The following RNF144A variants were observed in gnomAD, a reference collection of about 807,000 sequenced individuals.
RNF144A encodes the protein E3 ubiquitin-protein ligase RNF144A.
A neutral mutation model predicts 38.7 loss-of-function variants in RNF144A; 11 were observed. The ratio of observed to expected loss-of-function variants is 0.28; its 90% CI spans 0.18 to 0.47. The LOEUF (loss-of-function observed/expected upper bound fraction) is 0.47. Among genes scored for constraint, RNF144A ranks in the 20% least tolerant of loss-of-function variants. The probability of loss-of-function intolerance (pLI) is 0.99; values close to 1 mark genes in which losing one functional copy is unlikely to be tolerated. For synonymous variants in RNF144A, 149 were observed against 143.9 expected, an observed-to-expected ratio of 1.04 and a Z score of -0.25; for missense variants, 316 against 377.2, an observed-to-expected ratio of 0.84 and a Z score of 1.34.
At chr2:7,034,555 G>C (rs905588492) in intron 8 of RNF144A, among the ~76,000 whole-genome samples, 1 of 152,330 alleles carries the variant, frequency 6.6e-6, no homozygotes, top group Non-Finnish European at 1.5e-5. Flanking sequence ...GGCACTGAGC[G>C]TGCTCCCAAG....
chr2:7,044,627 G>A (rs141014544), downstream of RNF144A, among the ~76,000 whole-genome samples: 646 of 152,358 alleles, frequency 4.2e-3, 10 homozygotes, highest in African/African-American at 0.015. Context: ...GGGGTGGGGA[G>A]AAAGTGGAAT....
chr2:7,011,744 T>A (rs1049063541), intron 3 of RNF144A, among the ~76,000 whole-genome samples: 4 of 152,252 alleles, frequency 2.6e-5, no homozygotes, highest in Admixed American at 2.6e-4. Flanking sequence ...CAAGACATCT[T>A]TTTGCAATTA....
chr2:7,043,084 T>C lies in RNF144A; in HGVS notation c.*3324T>C, dbSNP rs918715732. 3 of 678,744 alleles carry C rather than the reference T, an allele frequency of 4.4e-6. No homozygotes were observed. Among genetic ancestry groups the C allele is most frequent in the African/African-American group, 2.0e-5 (1 of 51,114 alleles). 42.0% of individuals were successfully genotyped at this position (678,744 alleles called of 1,614,324 possible). ...GGTTTCACCATGTTGGCCAGGCTACTCTCAAACTCCTGACCTCAGGTGATC... is the reference window on the plus strand; with the variant it reads ...GGTTTCACCATGTTGGCCAGGCTACCCTCAAACTCCTGACCTCAGGTGATC... On this transcript the variant is annotated 3_prime_UTR_variant, in exon 9 of 9. Transcript: ENST00000320892.
chr2:7,031,903 C>T (rs1458483612), intron 8 of RNF144A, among the ~76,000 whole-genome samples: 1 of 152,242 alleles, frequency 6.6e-6, no homozygotes, highest in South Asian at 2.1e-4. Context: ...CAGTGAGTTA[C>T]CTTGGCCGTG....
chr2:7,048,662 G>C (rs1673403823), downstream of RNF144A, among the ~76,000 whole-genome samples: 1 of 152,194 alleles, frequency 6.6e-6, no homozygotes, highest in Non-Finnish European at 1.5e-5. Flanking sequence ...ACAGCATGGG[G>C]ACCTTTCTAA....
intron 3 of RNF144A, among the ~76,000 whole-genome samples, chr2:7,009,873 G>A (rs1308534530): frequency 1.3e-5 from 2 of 152,150 alleles, no homozygotes; most frequent in African/African-American, 4.8e-5. Context: ...CCTCCTGCTG[G>A]GGCTCAGAGG....
rs1275226145 is a variant in RNF144A at position 6,962,876 on chromosome 2, G to T, written c.-12+21729G>T. Among the ~76,000 whole-genome samples, 1 of 152,216 alleles carries T rather than the reference G, an allele frequency of 6.6e-6. No individual in the cohort carries two copies. Among genetic ancestry groups the T allele is most frequent in the Non-Finnish European group, 1.5e-5 (1 of 68,042 alleles). ...CATGGTTTATGCCATCATGATGCCA[G>T]TGTTGAATTTGTGGTGGTCTTTGAA... On this transcript the variant is annotated intron_variant, in intron 2 of 8. Transcript: ENST00000320892. This position sits in a 1 kb window ranked among gnomAD's most constrained non-coding sequence, Gnocchi z 4.1.
chr2:7,065,398 G>C (rs766071492), intron 6 of RNF144A, among the ~76,000 whole-genome samples: 16 of 152,210 alleles, frequency 1.1e-4, no homozygotes, highest in Non-Finnish European at 2.1e-4. Context: ...ATTTTAGAGA[G>C]GCAGGTTCCT....
intron 6 of RNF144A, among the ~76,000 whole-genome samples, chr2:7,062,365 T>G (rs309271): frequency 0.27 from 41,392 of 151,908 alleles, 6,772 homozygotes; most frequent in South Asian, 0.43. Flanking sequence ...ATCTCAAGAC[T>G]GGTACAGAGT....
intron 7 of RNF144A, among the ~76,000 whole-genome samples, chr2:7,026,505 T>TG (rs1365543971): frequency 1.3e-5 from 2 of 152,010 alleles, no homozygotes; most frequent in Non-Finnish European, 2.9e-5. Flanking sequence ...TTCCAGTTTT[T>TG]TTTTTTTTTG....
chr2:6,948,407 A>G (rs1489174638), intron 2 of RNF144A, among the ~76,000 whole-genome samples: 1 of 152,204 alleles, frequency 6.6e-6, no homozygotes, highest in Non-Finnish European at 1.5e-5. Context: ...TCATTTGTTT[A>G]TCACTTTCAT....
At chr2:7,017,276 C>T (rs908827739) in intron 5 of RNF144A, among the ~76,000 whole-genome samples, 1 of 151,346 alleles carries the variant, frequency 6.6e-6, no homozygotes, top group African/African-American at 2.4e-5. Flanking sequence ...CAAGTGAATG[C>T]TGATGTCAGA....
At chr2:7,022,284 C>A (rs140654580) in intron 6 of RNF144A, among the ~76,000 whole-genome samples, 1 of 152,316 alleles carries the variant, frequency 6.6e-6, no homozygotes, top group East Asian at 1.9e-4. Flanking sequence ...ATGTTTTTAT[C>A]CAGCCCCTGA....
Position 6,941,972 on chromosome 2 carries a change from A to G in RNF144A, c.-12+825A>G, listed in dbSNP as rs904465916. On this transcript the variant is annotated intron_variant, in intron 2 of 8. Transcript: ENST00000320892. The surrounding 1 kb of genome is among the most constrained non-coding windows in gnomAD (Gnocchi z 6.5). ...CAGGCTGTGGGGGAATTCTAGGTTCATGATGGGATATCAGTGTAGGGTTTT... is the reference window on the plus strand; with the variant it reads ...CAGGCTGTGGGGGAATTCTAGGTTCGTGATGGGATATCAGTGTAGGGTTTT... Among the ~76,000 whole-genome samples, 1 of 152,276 alleles carries G rather than the reference A, an allele frequency of 6.6e-6. No homozygotes were observed. Among genetic ancestry groups the G allele is most frequent in the Non-Finnish European group, 1.5e-5 (1 of 68,046 alleles).
chr2:7,018,283 T>G (rs533785638), intron 5 of RNF144A, among the ~76,000 whole-genome samples: 1 of 152,308 alleles, frequency 6.6e-6, no homozygotes, highest in East Asian at 1.9e-4. Flanking sequence ...GGATTTCTCT[T>G]CCCGCGCAGC....
At position 6,962,796 on chromosome 2, in the gene RNF144A, G is replaced by A. The variant is rs1436088144; in HGVS notation, c.-12+21649G>A. Among the ~76,000 whole-genome samples the A allele has an allele frequency of 6.6e-6, 1 of 152,194 alleles. No homozygotes were observed. The highest frequency in any genetic ancestry group is 1.5e-5 in the Non-Finnish European group (1 of 68,042). ...AATACCTTTTCCATTACTGAGCACA[G>A]GCATTCATGCACAGAAGGTCCTCAG... On this transcript the variant is annotated intron_variant, in intron 2 of 8. Transcript: ENST00000320892. This position sits in a 1 kb window ranked among gnomAD's most constrained non-coding sequence, Gnocchi z 4.1.
At chr2:7,017,379 TG>T (rs1437282257) in intron 5 of RNF144A, among the ~76,000 whole-genome samples, 5 of 151,292 alleles carry the variant, frequency 3.3e-5, no homozygotes, top group African/African-American at 9.7e-5. Context: ...GTTATCCACC[TG>T]TAATCAGGCC....
chr2:7,055,562 A>G (rs1673711417), intron 6 of RNF144A, among the ~76,000 whole-genome samples: 1 of 152,150 alleles, frequency 6.6e-6, no homozygotes, highest in African/African-American at 2.4e-5. Flanking sequence ...ATACCTCCCC[A>G]GCATGTTTAT....
At chr2:6,939,900 T>C (rs1181970517) in intron 1 of RNF144A, among the ~76,000 whole-genome samples, 1 of 152,212 alleles carries the variant, frequency 6.6e-6, no homozygotes, top group African/African-American at 2.4e-5. Flanking sequence ...TCACTTCTAA[T>C]CTATTAATCC....
Sources: allele counts gnomAD v4.1 joint callset (sites outside exome capture counted in the v4.1 genomes callset), GRCh38; gene constraint gnomAD v4.1.1; non-coding constraint Gnocchi (gnomAD v3.1); transcripts MANE v1.5; gene names NCBI Gene and HGNC (gene_info 2026-07-23, HGNC 2026-07-21).